The following NIPBL variants were observed in gnomAD, a reference collection of about 807,000 sequenced individuals.
NIPBL encodes the protein nipped-B-like protein.
Under a neutral mutation model 321.8 loss-of-function variants are expected in NIPBL, and 19 were observed. The ratio of observed to expected loss-of-function variants is 0.06; its 90% CI spans 0.04 to 0.09. The LOEUF is 0.09. Ranked by LOEUF, NIPBL falls within the 10% of genes least tolerant of loss-of-function variation. NIPBL has a pLI of 1.00. For missense variants in NIPBL, 2,210 were observed against 3,327.0 expected (o/e 0.66, Z 8.26); for synonymous variants, 1,106 against 1,114.1 (o/e 0.99, Z 0.14).
rs1228670304 is a variant in NIPBL at position 36,986,272 on chromosome 5, T to C, written c.3092T>C (p.Ile1031Thr). Residue 1031 changes from isoleucine (I) to threonine (T), a missense_variant, in exon 10 of 47, where the codon ATC becomes ACC. Ile to Thr is a moderately conservative substitution (Grantham distance 89). Around this residue, in one of 14 missense-constraint regions of NIPBL, gnomAD observed 381 missense variants for 642.3 expected, o/e 0.59. Transcript: ENST00000282516. ...AAATCAAGAAGTTCCCTTAAACCTA[T>C]CAAGAATAAACCATCAAAGTCAAAT... ...EDKSRSSLKP[I>T]KNKPSKSNKG... 6.5e-7 allele frequency: 1 copy of C among 1,530,832 alleles called. No individual in the cohort carries two copies. Among genetic ancestry groups the C allele is most frequent in the African/African-American group, 1.4e-5 (1 of 71,900 alleles). 94.8% of individuals were successfully genotyped at this position (1,530,832 alleles called of 1,614,324 possible). A position where few individuals can be genotyped will look rare whatever the true frequency, so the allele number is the denominator to read the frequency against.
chr5:36,938,616 C>T (rs1395253107), intron 1 of NIPBL, among the ~76,000 whole-genome samples: 1 of 152,080 alleles, frequency 6.6e-6, no homozygotes, highest in African/African-American at 2.4e-5. Context: ...AAACTTTGTT[C>T]AGTGATAAAA....
chr5:36,908,864 AC>A (rs1485181914), intron 1 of NIPBL, among the ~76,000 whole-genome samples: 1 of 152,262 alleles, frequency 6.6e-6, no homozygotes, highest in Non-Finnish European at 1.5e-5. Flanking sequence ...TACCTAAGGA[AC>A]AAGGTAAAGG....
At chr5:36,891,270 CAAAA>C (rs1194305813) in intron 1 of NIPBL, among the ~76,000 whole-genome samples, 1 of 151,314 alleles carries the variant, frequency 6.6e-6, no homozygotes, top group Non-Finnish European at 1.5e-5. Context: ...TCTCAAAAAA[CAAAA>C]AAAGAAAAAG....
At chr5:37,051,667 A>C in intron 40 of NIPBL, 112 bp from the exon 41 acceptor site, 1 of 709,314 alleles carries the variant, frequency 1.4e-6, no homozygotes, top group East Asian at 2.7e-5. Context: ...CTTTATAGGA[A>C]GGCCTATAAG....
chr5:36,885,629 A>T, intron 1 of NIPBL: 1 of 538,726 alleles, frequency 1.9e-6, no homozygotes, highest in Non-Finnish European at 3.7e-6. Flanking sequence ...GATCTTTGCA[A>T]ATACTGTGGA....
At chr5:36,878,460 A>G (rs1580124939) in intron 1 of NIPBL, among the ~76,000 whole-genome samples, 1 of 152,212 alleles carries the variant, frequency 6.6e-6, no homozygotes, top group Admixed American at 6.5e-5. Context: ...TCAGTCAGGC[A>G]AATTGCTAGA....
At chr5:37,036,686 A>C (rs1489360032) in intron 33 of NIPBL, among the ~76,000 whole-genome samples, 199 bp downstream of exon 33, 1 of 150,740 alleles carries the variant, frequency 6.6e-6, no homozygotes, top group Non-Finnish European at 1.5e-5. Context: ...AAGATTATCT[A>C]GAGCATTGTA....
rs1739618608 is a variant in NIPBL, at chr5:36,945,948, AGATTT to A, written c.-79-7669_-79-7665del. On this transcript the variant is annotated intron_variant, in intron 1 of 46. Transcript: ENST00000282516. ...TTTAAAATAGTAAGTAGTACCACAT[AGATTT>A]ATTTATTTATTTACTTAACCTGTGT... 1.3e-5 allele frequency among the ~76,000 whole-genome samples: 2 copies of A among 152,134 alleles called. 1 individual carries two copies. The highest frequency in any genetic ancestry group is 1.3e-4 in the Admixed American group (2 of 15,250).
At chr5:36,982,531 A>T (rs373637390) in intron 9 of NIPBL, among the ~76,000 whole-genome samples, 1 of 151,818 alleles carries the variant, frequency 6.6e-6, no homozygotes, top group African/African-American at 2.4e-5. Flanking sequence ...AGCATTTTGT[A>T]TATACTGAAA....
Position 37,003,562 on chromosome 5 carries a change from TTAGG to T in NIPBL, c.3855+218_3855+221del, listed in dbSNP as rs375679489. ...CCTAATTTATAAATTAAGTTTTATC[TTAGG>T]TATGTATGTATAGGAAAAAACATAG... On this transcript the variant is annotated intron_variant, in intron 16 of 46. Coordinates refer to ENST00000282516, the MANE Select transcript of NIPBL (RefSeq NM_133433.4). Among the ~76,000 whole-genome samples the T allele has an allele frequency of 4.1e-4, 62 of 152,272 alleles. No individual in the cohort carries two copies. In the South Asian group the frequency reaches 0.012, roughly 31 times the overall value.
At chr5:36,883,819 GT>G (rs754723451) in intron 1 of NIPBL, among the ~76,000 whole-genome samples, 12 of 144,116 alleles carry the variant, frequency 8.3e-5, no homozygotes, top group Admixed American at 6.9e-5. Context: ...ATGTAATTCA[GT>G]TTTTTTTTTT....
intron 24 of NIPBL, among the ~76,000 whole-genome samples, 163 bp downstream of exon 24, chr5:37,017,325 A>G (rs1749103741): frequency 6.6e-6 from 1 of 152,198 alleles, no homozygotes; most frequent in Non-Finnish European, 1.5e-5. Flanking sequence ...AGACCTGAGA[A>G]TGAATTATTT....
At chr5:37,041,584 AC>A (rs1415151714) in intron 34 of NIPBL, among the ~76,000 whole-genome samples, 1 of 142,870 alleles carries the variant, frequency 7.0e-6, no homozygotes, top group Non-Finnish European at 1.5e-5. Context: ...TTTTTTTAAG[AC>A]ACAGTCTTGC....
chr5:36,920,777 T>C (rs1748870620), intron 1 of NIPBL, among the ~76,000 whole-genome samples: 1 of 152,110 alleles, frequency 6.6e-6, no homozygotes, highest in South Asian at 2.1e-4. Context: ...TTATGTGGCA[T>C]CTTTAACCTG....
chr5:36,924,373 A>AT (rs963232426), intron 1 of NIPBL, among the ~76,000 whole-genome samples: 2 of 152,042 alleles, frequency 1.3e-5, no homozygotes, highest in Admixed American at 6.6e-5. Flanking sequence ...AGAATTTTTT[A>AT]TTTTTTTATT....
Position 37,057,259 on chromosome 5 carries a change from C to T in NIPBL, c.7337C>T (p.Pro2446Leu), listed in dbSNP as rs765915276. 1 of 1,613,606 alleles carries T rather than the reference C, an allele frequency of 6.2e-7. No homozygotes were observed. The highest frequency in any genetic ancestry group is 1.1e-5 in the South Asian group (1 of 91,070). The change falls in exon 43 of 47, where the codon CCG (proline) becomes CTG (leucine). Residue 2446 changes from proline (P) to leucine (L), a missense_variant. By Grantham distance (98) the Pro-to-Leu change is moderately conservative. Coordinates refer to ENST00000282516, the MANE Select transcript of NIPBL (RefSeq NM_133433.4). ...TTTCCATACCAGACACAGGAAGAGC[C>T]GTTGTTTATAATGCATCATATAGAC... ...ACFPYQTQEE[P>L]LFIMHHIDIT...
At chr5:36,922,823 AG>A (rs1216768910) in intron 1 of NIPBL, among the ~76,000 whole-genome samples, 5 of 152,320 alleles carry the variant, frequency 3.3e-5, no homozygotes, top group Middle Eastern at 6.8e-3. Flanking sequence ...TTGGAAAATT[AG>A]TTTACCTTTC....
At chr5:36,898,274 T>C (rs1746930911) in intron 1 of NIPBL, among the ~76,000 whole-genome samples, 1 of 152,148 alleles carries the variant, frequency 6.6e-6, no homozygotes, top group Non-Finnish European at 1.5e-5. Context: ...TTGTTGTTCT[T>C]ATCAGTGACC....
At chr5:36,882,426 CTG>C (rs1745578076) in intron 1 of NIPBL, among the ~76,000 whole-genome samples, 1 of 151,852 alleles carries the variant, frequency 6.6e-6, no homozygotes, top group South Asian at 2.1e-4. Flanking sequence ...TATGAGAAAA[CTG>C]AGATATAGAA....
Sources: allele counts gnomAD v4.1 joint callset (sites outside exome capture counted in the v4.1 genomes callset), GRCh38; gene constraint gnomAD v4.1.1; regional missense constraint gnomAD v4.1.1; transcripts MANE v1.5; gene names NCBI Gene and HGNC (gene_info 2026-07-23, HGNC 2026-07-21).